The following SYNE3 variants were observed in gnomAD, a reference collection of about 807,000 sequenced individuals.
SYNE3 encodes spectrin repeat containing nuclear envelope family member 3.
SYNE3 carries 100 observed loss-of-function variants against 111.2 expected under a neutral mutation model. That is an observed-to-expected ratio of 0.90 (90% CI 0.77 to 1.06). SYNE3 has a LOEUF of 1.06. SYNE3 is among the 50% of genes least tolerant of loss of function. SYNE3 has a pLI of 0.00. For missense variants in SYNE3, 1,160 were observed against 1,240.3 expected (o/e 0.94, Z 0.97); for synonymous variants, 547 against 533.9 (o/e 1.02, Z -0.34).
At position 95,473,544 on chromosome 14, in the gene SYNE3, A is replaced by T. The variant is rs570614840; in HGVS notation, c.144+2134T>A. 2.0e-5 allele frequency among the ~76,000 whole-genome samples: 3 copies of T among 152,254 alleles called. No homozygotes were observed. In the South Asian group the frequency reaches 6.2e-4, roughly 32 times the overall value. ...ACCCACACAAAAAAGCATTCCAAGC[A>T]GAGGCAACACATGGACAAAGGCTTG... On this transcript the variant is annotated intron_variant, in intron 2 of 17. Coordinates refer to ENST00000682763, the MANE Select transcript of SYNE3 (RefSeq NM_152592.6).
chr14:95,479,174 C>T lies in SYNE3; in HGVS notation c.-14-3339G>A, dbSNP rs866644741. 4.3e-4 allele frequency among the ~76,000 whole-genome samples: 61 copies of T among 140,702 alleles called. 1 individual carries two copies. Among genetic ancestry groups the T allele is most frequent in the African/African-American group, 1.5e-3 (58 of 37,494 alleles). The allele number at this position is 140,702 out of a possible 152,430, so 92.3% of individuals were successfully genotyped here. A position where few individuals can be genotyped will look rare whatever the true frequency, so the allele number is the denominator to read the frequency against. ...GTTTGGGAGGCTGATACGGGAGGAT[C>T]ACTTGAGCTCAGGACCAGCCCAAGC... On this transcript the variant is annotated intron_variant, in intron 1 of 17. Transcript: ENST00000682763.
At position 95,496,045 on chromosome 14, in the gene SYNE3, C is replaced by T. The variant is rs539032910; in HGVS notation, c.-14-20210G>A. 4.6e-5 allele frequency among the ~76,000 whole-genome samples: 7 copies of T among 152,274 alleles called. No individual in the cohort carries two copies. The East Asian group carries it at 7.7e-4, about 17-fold the overall frequency. ...CACCTCTCATTCCACTCAGAGGGGC[C>T]GGGAGAAGATGAAGGCCATGCCCTA... is the stretch of plus-strand genomic sequence containing the variant. On this transcript the variant is annotated intron_variant, in intron 1 of 17. Transcript: ENST00000682763.
At chr14:95,474,386 G>T (rs1323505808) in intron 2 of SYNE3, among the ~76,000 whole-genome samples, 2 of 152,208 alleles carry the variant, frequency 1.3e-5, no homozygotes, top group Non-Finnish European at 2.9e-5. Context: ...TCTCCATGAG[G>T]CTGGGAACCC....
intron 17 of SYNE3, among the ~76,000 whole-genome samples, chr14:95,427,115 T>C (rs1885476122): frequency 6.6e-6 from 1 of 152,078 alleles, no homozygotes; most frequent in South Asian, 2.1e-4. Flanking sequence ...AGATAGGAGC[T>C]GAGGGGACAT....
intron 1 of SYNE3, among the ~76,000 whole-genome samples, chr14:95,482,241 C>T (rs1297661843): frequency 1.3e-5 from 2 of 152,204 alleles, no homozygotes; most frequent in Non-Finnish European, 2.9e-5. Context: ...TGAGATCAGC[C>T]TGGCCAACAT....
chr14:95,483,254 A>G (rs1297880143), intron 1 of SYNE3, among the ~76,000 whole-genome samples: 2 of 152,292 alleles, frequency 1.3e-5, no homozygotes, highest in East Asian at 3.9e-4. Context: ...CCCAGCTCCC[A>G]TGGCAGGCCC....
chr14:95,438,955 G>GAGACCCCTAC, intron 14 of SYNE3, 78 bp downstream of exon 14: 1 of 1,577,246 alleles, frequency 6.3e-7, no homozygotes. Context: ...ACAGGGAGGG[G>GAGACCCCTAC]CCTGTGCTGG....
chr14:95,457,583 A>G (rs1216151008), intron 4 of SYNE3, among the ~76,000 whole-genome samples: 3 of 152,220 alleles, frequency 2.0e-5, no homozygotes, highest in Non-Finnish European at 2.9e-5. Context: ...CCCTGTCACT[A>G]TGCAGCTGGC....
intron 6 of SYNE3, among the ~76,000 whole-genome samples, chr14:95,454,087 C>G (rs1887259032): frequency 6.6e-6 from 1 of 152,254 alleles, no homozygotes; most frequent in African/African-American, 2.4e-5. Context: ...AAACAGTCTC[C>G]CTGAAACAGA....
chr14:95,434,389 G>C (rs903503757), intron 15 of SYNE3, among the ~76,000 whole-genome samples: 1 of 152,174 alleles, frequency 6.6e-6, no homozygotes, highest in Admixed American at 6.5e-5. Context: ...GGGCTGGGGA[G>C]ACAAAGGCCA....
rs756574233 is a variant in SYNE3, at chr14:95,433,242, C to T, written c.2688+18G>A. On this transcript the variant is annotated intron_variant, in intron 16 of 17. Transcript: ENST00000682763. ...TCCTGTCCCTGGAATCTGGGACCTGCACATCCTTGGCACCTACCAGCAGGT... is the reference window on the plus strand; with the variant it reads ...TCCTGTCCCTGGAATCTGGGACCTGTACATCCTTGGCACCTACCAGCAGGT... 2.1e-5 allele frequency: 34 copies of T among 1,610,772 alleles called. No individual in the cohort carries two copies. The East Asian group carries it at 7.4e-4, about 35-fold the overall frequency.
chr14:95,430,004 AAGGGAGGG>A, intron 17 of SYNE3: 8 of 181,078 alleles, frequency 4.4e-5, no homozygotes, highest in Non-Finnish European at 6.9e-5. Flanking sequence ...GGAAGGAAAG[AAGGGAGGG>A]AGGGAGGGAG....
At position 95,417,919 on chromosome 14, in the gene SYNE3, T is replaced by G. The variant is rs1330292481; in HGVS notation, c.2835A>C (p.Pro945=). ...TGCAGCTGCGGTCCTCTTCCCTGAT[T>G]GGGAGCAGGAACAGCAGGAGGAGGA... The part of the protein sequence containing the change: ...LLFLLLLFLL[P]IREEDRSCTL... The change falls in exon 18 of 18, where the codon CCA becomes CCC. Residue 945 remains proline (P), a synonymous_variant. Coordinates refer to ENST00000682763, the MANE Select transcript of SYNE3 (RefSeq NM_152592.6). The G allele has an allele frequency of 1.9e-6, 3 of 1,613,922 alleles. No homozygotes were observed. The highest frequency in any genetic ancestry group is 3.3e-5 in the Admixed American group (2 of 60,008).
chr14:95,480,858 G>A (rs1342878546), intron 1 of SYNE3, among the ~76,000 whole-genome samples: 2 of 152,186 alleles, frequency 1.3e-5, no homozygotes, highest in African/African-American at 2.4e-5. Context: ...AAGCCACCCC[G>A]TTTGGGCCTC....
At chr14:95,418,173 C>G in intron 17 of SYNE3, 147 bp from the exon 18 acceptor site, 1 of 813,252 alleles carries the variant, frequency 1.2e-6, no homozygotes, top group Non-Finnish European at 2.0e-6. Context: ...ATCTGTGAAA[C>G]AGGGCTAATG....
chr14:95,475,743 G>A lies in SYNE3; in HGVS notation c.79C>T (p.Leu27=). The A allele has an allele frequency of 1.2e-6, 2 of 1,608,060 alleles. No homozygotes were observed. The highest frequency in any genetic ancestry group is 2.2e-5 in the South Asian group (2 of 89,900). ...QAWMKAVQDQ[L]QVNDNTQGPR... ...CCCTGCGTGTTGTCATTGACCTGCA[G>A]CTGGTCCTGCACAGCCTTCATCCAT... Residue 27 remains leucine, a synonymous_variant, in exon 2 of 18, where the codon CTG becomes TTG. Transcript: ENST00000682763.
In SYNE3 at chr14:95,411,121, C is replaced by A. The variant is rs1227667360; in HGVS notation, c.*6705G>T. The A allele has an allele frequency of 6.6e-6, 1 of 152,130 alleles. No homozygotes were observed. Among genetic ancestry groups the A allele is most frequent in the East Asian group, 1.9e-4 (1 of 5,194 alleles). 9.4% of individuals were successfully genotyped at this position (152,130 alleles called of 1,614,324 possible). Reference sequence around the variant, plus strand: ...AACAAGACAGTCTATGGAAGCCCTCCAACTCTGACAGCCTGAAGAATCCAG... The same window carrying A: ...AACAAGACAGTCTATGGAAGCCCTCAAACTCTGACAGCCTGAAGAATCCAG... On this transcript the variant is annotated 3_prime_UTR_variant, in exon 18 of 18. Coordinates refer to ENST00000682763, the MANE Select transcript of SYNE3 (RefSeq NM_152592.6).
At chr14:95,499,856 C>CTTTTTTTTTCTTTTTT (rs1890260887) in intron 1 of SYNE3, among the ~76,000 whole-genome samples, 1 of 90,062 alleles carries the variant, frequency 1.1e-5, no homozygotes, top group Admixed American at 1.4e-4. Context: ...TAACTCTTGT[C>CTTTTTTTTTCTTTTTT]TTTTTTTTTT....
intron 1 of SYNE3, among the ~76,000 whole-genome samples, chr14:95,507,825 A>T (rs1192244054): frequency 6.6e-6 from 1 of 152,200 alleles, no homozygotes; most frequent in East Asian, 1.9e-4. Context: ...ACAGCTAGTG[A>T]ACAAGTGGCG....
Sources: gnomAD v4.1 joint callset for allele counts (sites outside exome capture counted in the v4.1 genomes callset) on GRCh38, gnomAD v4.1.1 for gene constraint, MANE v1.5 for transcripts, NCBI Gene and HGNC (gene_info 2026-07-23, HGNC 2026-07-21) for gene names.